The following ZEB1 variants were observed in gnomAD, a reference collection of about 807,000 sequenced individuals.
The protein encoded by ZEB1 is zinc finger E-box-binding homeobox 1.
Under a neutral mutation model 84.9 loss-of-function variants are expected in ZEB1, and 21 were observed. The ratio of observed to expected loss-of-function variants is 0.25; its 90% CI spans 0.18 to 0.36. The LOEUF is 0.36. ZEB1 is among the 10% of genes least tolerant of loss of function. The probability of loss-of-function intolerance (pLI) is 1.00; values close to 1 mark genes in which losing one functional copy is unlikely to be tolerated. For synonymous variants in ZEB1, 420 were observed against 471.1 expected (o/e 0.89, Z 1.41); for missense variants, 1,104 against 1,330.2 (o/e 0.83, Z 2.65).
At chr10:31,321,718 C>T in intron 1 of ZEB1, 1 of 797,788 alleles carries the variant, frequency 1.3e-6, no homozygotes, top group Non-Finnish European at 2.1e-6. Context: ...TCCTTGAGAT[C>T]CTGTGATATG....
At chr10:31,338,444 AGT>A (rs2038668236) in intron 1 of ZEB1, among the ~76,000 whole-genome samples, 1 of 152,202 alleles carries the variant, frequency 6.6e-6, no homozygotes, top group Non-Finnish European at 1.5e-5. Flanking sequence ...AAACCTAGGC[AGT>A]CTGGTTCCAC....
chr10:31,410,408 A>G (rs971179150), intron 1 of ZEB1, among the ~76,000 whole-genome samples: 3 of 152,066 alleles, frequency 2.0e-5, no homozygotes, highest in Non-Finnish European at 2.9e-5. Context: ...CAGTTTGCCA[A>G]TATTTTATTG....
chr10:31,336,633 AG>A (rs35290292), intron 1 of ZEB1, among the ~76,000 whole-genome samples: 5 of 152,176 alleles, frequency 3.3e-5, no homozygotes, highest in African/African-American at 4.8e-5. Context: ...TCTACCACCC[AG>A]GGAAATAAAG....
chr10:31,441,097 A>G (rs2058909375), intron 1 of ZEB1, among the ~76,000 whole-genome samples: 1 of 152,188 alleles, frequency 6.6e-6, no homozygotes, highest in Non-Finnish European at 1.5e-5. Flanking sequence ...CCACATTGCC[A>G]AGACAATCCT....
At chr10:31,365,686 G>A (rs1378234981) in intron 1 of ZEB1, among the ~76,000 whole-genome samples, 1 of 152,068 alleles carries the variant, frequency 6.6e-6, no homozygotes, top group African/African-American at 2.4e-5. Flanking sequence ...TGAATCACTC[G>A]ATTGAGAAGA....
At chr10:31,435,042 G>T (rs1368441146) in intron 1 of ZEB1, among the ~76,000 whole-genome samples, 3 of 152,198 alleles carry the variant, frequency 2.0e-5, no homozygotes, top group Non-Finnish European at 4.4e-5. Flanking sequence ...CTTAAAAAAA[G>T]ATTATTAAGT....
chr10:31,387,294 C>T (rs748364826), intron 1 of ZEB1: 8 of 985,542 alleles, frequency 8.1e-6, no homozygotes, highest in East Asian at 1.1e-4. Context: ...AGTGCACACT[C>T]GTGGGCCCAG....
Position 31,495,775 on chromosome 10 carries a change from G to T in ZEB1, c.260-1G>T, listed in dbSNP as rs751898539. 1.9e-6 allele frequency: 3 copies of T among 1,612,546 alleles called. No homozygotes were observed. The highest frequency in any genetic ancestry group is 8.5e-7 in the Non-Finnish European group (1 of 1,178,904). Reference sequence around the variant, plus strand: ...TATTTTAATTTCTTCTTTGATTTCAGCAGGAAAGGAAGGGCAAGAAATCCT... The same window carrying T: ...TATTTTAATTTCTTCTTTGATTTCATCAGGAAAGGAAGGGCAAGAAATCCT... On this transcript the variant is annotated splice_acceptor_variant, in intron 2 of 8. Coordinates refer to ENST00000424869, the MANE Select transcript of ZEB1 (RefSeq NM_001174096.2). LOFTEE classifies it high-confidence loss of function.
intron 1 of ZEB1, among the ~76,000 whole-genome samples, chr10:31,338,839 T>TA (rs1183466104): frequency 6.6e-6 from 1 of 152,130 alleles, no homozygotes; most frequent in Non-Finnish European, 1.5e-5. Flanking sequence ...TGATTTAAAA[T>TA]AAGAGTTTAA....
chr10:31,415,549 T>C (rs892950635), intron 1 of ZEB1, among the ~76,000 whole-genome samples: 12 of 152,096 alleles, frequency 7.9e-5, no homozygotes, highest in Non-Finnish European at 1.5e-4. Flanking sequence ...AAAAATCTTA[T>C]TGGACTTGTT....
At position 31,445,215 on chromosome 10, in the gene ZEB1, TTGTC is replaced by T. The variant is rs1418397241; in HGVS notation, c.59-15818_59-15815del. Reference sequence around the variant, plus strand: ...GTTCACTCATGATTTGGCTTTCTGTTTGTCTGTTGTTGGTGTATAAGAATGCTTG... The same window carrying T: ...GTTCACTCATGATTTGGCTTTCTGTTTGTTGTTGGTGTATAAGAATGCTTG... On this transcript the variant is annotated intron_variant, in intron 1 of 8. Transcript: ENST00000424869. 9.3e-3 allele frequency among the ~76,000 whole-genome samples: 1,377 copies of T among 147,324 alleles called. 21 individuals are homozygous for T. Among genetic ancestry groups the T allele is most frequent in the African/African-American group, 0.035 (1,299 of 37,056 alleles).
intron 2 of ZEB1, among the ~76,000 whole-genome samples, chr10:31,484,700 C>T (rs760007647): frequency 1.3e-4 from 20 of 151,696 alleles, no homozygotes; most frequent in Admixed American, 2.6e-4. Flanking sequence ...TTAGTTTTTA[C>T]GGTAAATGAA....
intron 1 of ZEB1, among the ~76,000 whole-genome samples, chr10:31,409,902 A>T (rs1325261864): frequency 2.0e-5 from 3 of 152,080 alleles, no homozygotes; most frequent in Admixed American, 1.3e-4. Context: ...GCTTAAGGAG[A>T]TTTGGGGCTG....
chr10:31,362,229 C>G (rs2134136286), intron 1 of ZEB1, among the ~76,000 whole-genome samples: 1 of 146,828 alleles, frequency 6.8e-6, no homozygotes, highest in Non-Finnish European at 1.5e-5. Context: ...CTCCTCACTT[C>G]CCAGATGGGG....
At chr10:31,398,003 G>A (rs936340728) in intron 1 of ZEB1, among the ~76,000 whole-genome samples, 2 of 152,134 alleles carry the variant, frequency 1.3e-5, no homozygotes, top group Non-Finnish European at 1.5e-5. Context: ...TCAGCTAATA[G>A]TTTCGCTTTC....
chr10:31,381,065 A>T (rs1313506058), intron 1 of ZEB1, among the ~76,000 whole-genome samples: 1 of 152,234 alleles, frequency 6.6e-6, no homozygotes, highest in Non-Finnish European at 1.5e-5. Flanking sequence ...CCAAAGCTGT[A>T]GAATAAATGG....
intron 2 of ZEB1, among the ~76,000 whole-genome samples, chr10:31,495,509 A>T (rs914560082): frequency 2.6e-5 from 4 of 152,110 alleles, no homozygotes; most frequent in African/African-American, 7.2e-5. Flanking sequence ...AAAGGAAAAA[A>T]TCCAAATTAA....
intron 6 of ZEB1, 143 bp from the exon 7 acceptor site, chr10:31,519,983 T>C: frequency 8.9e-7 from 1 of 1,123,314 alleles, no homozygotes; most frequent in Non-Finnish European, 1.2e-6. Flanking sequence ...AGCTAAAAAG[T>C]TTATTCTAAA....
At chr10:31,457,541 C>T (rs2061374813) in intron 1 of ZEB1, among the ~76,000 whole-genome samples, 2 of 152,084 alleles carry the variant, frequency 1.3e-5, no homozygotes, top group South Asian at 4.1e-4. Flanking sequence ...TTTTATGACA[C>T]ATATCAAACA....
Sources: gnomAD v4.1 joint callset for allele counts (sites outside exome capture counted in the v4.1 genomes callset) on GRCh38, gnomAD v4.1.1 for gene constraint, MANE v1.5 for transcripts, NCBI Gene and HGNC (gene_info 2026-07-23, HGNC 2026-07-21) for gene names.